The following CADPS2 variants were observed in gnomAD, a reference collection of about 807,000 sequenced individuals.
CADPS2 encodes the protein calcium-dependent secretion activator 2.
In CADPS2, 93 loss-of-function variants were observed where a neutral mutation model predicts 172.5. That is an observed-to-expected ratio of 0.54 (90% CI 0.46 to 0.64). The LOEUF is 0.64. Among genes scored for constraint, CADPS2 ranks in the 30% least tolerant of loss-of-function variants. CADPS2 has a pLI of 0.00. For synonymous variants in CADPS2, 546 were observed against 555.2 expected, an observed-to-expected ratio of 0.98 and a Z score of 0.23; for missense variants, 1,420 against 1,565.9, an observed-to-expected ratio of 0.91 and a Z score of 1.57.
intron 6 of CADPS2, among the ~76,000 whole-genome samples, chr7:122,596,602 C>T (rs1284060971): frequency 6.6e-6 from 1 of 152,116 alleles, no homozygotes; most frequent in Non-Finnish European, 1.5e-5. Context: ...AGACAGAAGT[C>T]ATTACCTATG....
intron 2 of CADPS2, among the ~76,000 whole-genome samples, chr7:122,672,211 C>T (rs565345012): frequency 4.1e-4 from 63 of 152,262 alleles, no homozygotes; most frequent in African/African-American, 1.5e-3. Flanking sequence ...ATATAAAATA[C>T]CTGAATCCTA....
intron 2 of CADPS2, among the ~76,000 whole-genome samples, chr7:122,684,544 T>C (rs1487856748): frequency 1.3e-5 from 2 of 152,202 alleles, no homozygotes; most frequent in East Asian, 1.9e-4. Flanking sequence ...ATTCAAATTA[T>C]TGTTATGCAT....
At chr7:122,621,825 T>C in intron 4 of CADPS2, 108 bp from the exon 5 acceptor site, 1 of 674,554 alleles carries the variant, frequency 1.5e-6, no homozygotes, top group South Asian at 2.0e-5. Context: ...TACAACACTC[T>C]CAATATATCT....
At chr7:122,579,476 T>TATATATATATATATATATATATATATAC (rs2068519722) in intron 7 of CADPS2, among the ~76,000 whole-genome samples, 2 of 147,208 alleles carry the variant, frequency 1.4e-5, no homozygotes, top group Non-Finnish European at 3.0e-5. Context: ...TATATATATA[T>TATATATATATATATATATATATATATAC]ATATGTCACT....
intron 20 of CADPS2, 136 bp from the exon 21 acceptor site, chr7:122,393,718 A>G (rs2044699321): frequency 1.2e-6 from 1 of 817,454 alleles, no homozygotes. Flanking sequence ...AGTAGATCAT[A>G]CCCCCCATAT....
At chr7:122,380,920 A>G (rs2042923505) in intron 24 of CADPS2, among the ~76,000 whole-genome samples, 3 of 152,112 alleles carry the variant, frequency 2.0e-5, no homozygotes, top group Admixed American at 2.0e-4. Context: ...CTTGAAGAGA[A>G]GGAAAACGGG....
chr7:122,850,276 C>A, intron 1 of CADPS2: 1 of 703,828 alleles, frequency 1.4e-6, no homozygotes. Context: ...CCCCAGGACT[C>A]CCCAGCAGCC....
At chr7:122,588,223 C>T (rs1020156032) in intron 6 of CADPS2, among the ~76,000 whole-genome samples, 2 of 152,016 alleles carry the variant, frequency 1.3e-5, no homozygotes, top group South Asian at 2.1e-4. Flanking sequence ...TAATTAGATG[C>T]CATTTGTCAA....
intron 8 of CADPS2, among the ~76,000 whole-genome samples, chr7:122,517,072 C>A (rs1261080426): frequency 1.3e-5 from 2 of 152,164 alleles, no homozygotes; most frequent in Non-Finnish European, 2.9e-5. Flanking sequence ...ATCCCTAGCT[C>A]TGGCAACCCC....
At chr7:122,770,211 A>G (rs760940257) in intron 1 of CADPS2, among the ~76,000 whole-genome samples, 3 of 152,134 alleles carry the variant, frequency 2.0e-5, no homozygotes, top group Non-Finnish European at 2.9e-5. Context: ...ACAGCCATAC[A>G]ATGCTCATTT....
intron 4 of CADPS2, among the ~76,000 whole-genome samples, chr7:122,625,689 T>C (rs1309115708): frequency 6.6e-6 from 1 of 152,070 alleles, no homozygotes; most frequent in East Asian, 1.9e-4. Context: ...GCCTGCCTAC[T>C]TGTCCTATGG....
intron 1 of CADPS2, among the ~76,000 whole-genome samples, chr7:122,837,590 A>T (rs1808912904): frequency 6.6e-6 from 1 of 152,180 alleles, no homozygotes; most frequent in Admixed American, 6.5e-5. Context: ...AAAATGATAA[A>T]GAGGATATCA....
intron 25 of CADPS2, among the ~76,000 whole-genome samples, chr7:122,375,640 G>A (rs1396715131): frequency 6.6e-6 from 1 of 151,952 alleles, no homozygotes; most frequent in Non-Finnish European, 1.5e-5. Context: ...AATAACTTAA[G>A]ACCTCAAACC....
At chr7:122,884,335 C>A (rs906877007) in intron 1 of CADPS2, among the ~76,000 whole-genome samples, 3 of 152,170 alleles carry the variant, frequency 2.0e-5, no homozygotes, top group Non-Finnish European at 4.4e-5. Context: ...TGCCTCAGAA[C>A]AGACTCAATT....
intron 7 of CADPS2, 110 bp from the exon 8 acceptor site, chr7:122,554,799 A>C (rs537700178): frequency 1.2e-6 from 1 of 868,020 alleles, no homozygotes; most frequent in African/African-American, 1.7e-5. Flanking sequence ...TCAACACCCA[A>C]ATGTATCCAA....
At position 122,778,222 on chromosome 7, in the gene CADPS2, G is replaced by A. The variant is rs1391298448; in HGVS notation, c.340-41154C>T. On this transcript the variant is annotated intron_variant, in intron 1 of 29. Coordinates refer to ENST00000449022, the MANE Select transcript of CADPS2 (RefSeq NM_017954.11). ...ACTCTTACTATACAAAGAAACTGGT[G>A]GCATTTTGCCCCTGCCCTAGAGATC... is the stretch of plus-strand genomic sequence containing the variant. Among the ~76,000 whole-genome samples, 3 of 152,220 alleles carry A rather than the reference G, an allele frequency of 2.0e-5. No individual in the cohort carries two copies. In the East Asian group the frequency reaches 5.8e-4, roughly 30 times the overall value.
chr7:122,589,016 T>C (rs936413875), intron 6 of CADPS2, among the ~76,000 whole-genome samples: 2 of 152,012 alleles, frequency 1.3e-5, no homozygotes, highest in South Asian at 4.1e-4. Flanking sequence ...GCATACAATG[T>C]GTCTCTGCTC....
At chr7:122,373,535 G>A (rs2042010172) in intron 25 of CADPS2, among the ~76,000 whole-genome samples, 1 of 152,086 alleles carries the variant, frequency 6.6e-6, no homozygotes, top group Admixed American at 6.5e-5. Flanking sequence ...CTAACAGCTG[G>A]CCCACACAAC....
At chr7:122,503,248 C>G (rs181968114) in intron 9 of CADPS2, among the ~76,000 whole-genome samples, 1 of 151,944 alleles carries the variant, frequency 6.6e-6, no homozygotes, top group African/African-American at 2.4e-5. Context: ...GCTGGCCAGG[C>G]TGGTCTTGAA....
Sources: gnomAD v4.1 joint callset for allele counts (sites outside exome capture counted in the v4.1 genomes callset) on GRCh38, gnomAD v4.1.1 for gene constraint, MANE v1.5 for transcripts, NCBI Gene and HGNC (gene_info 2026-07-23, HGNC 2026-07-21) for gene names.